The following TAFA2 variants were observed in gnomAD, a reference collection of about 807,000 sequenced individuals.
TAFA2 encodes chemokine-like protein TAFA-2.
A neutral mutation model predicts 18.8 loss-of-function variants in TAFA2; 7 were observed. The ratio of observed to expected loss-of-function variants is 0.37; its 90% confidence interval spans 0.21 to 0.70. TAFA2 has a LOEUF of 0.70. Ranked by LOEUF, TAFA2 falls within the 30% of genes least tolerant of loss-of-function variation. TAFA2 has a pLI of 0.53. For synonymous variants in TAFA2, 60 were observed against 54.2 expected, an observed-to-expected ratio of 1.11 and a Z score of -0.47; for missense variants, 122 against 158.1, an observed-to-expected ratio of 0.77 and a Z score of 1.23.
At chr12:62,213,149 G>C (rs7297835) in intron 1 of TAFA2, among the ~76,000 whole-genome samples, 41,588 of 151,916 alleles carry the variant, frequency 0.27, 7,199 homozygotes, top group African/African-American at 0.5. Context: ...ACCCCACCAC[G>C]GTTCATTCCC....
intron 1 of TAFA2, among the ~76,000 whole-genome samples, chr12:62,049,812 T>C (rs779616653): frequency 3.9e-5 from 6 of 152,188 alleles, no homozygotes; most frequent in Non-Finnish European, 5.9e-5. Context: ...CAAGAGAATA[T>C]GTAGGAATCT....
intron 2 of TAFA2, among the ~76,000 whole-genome samples, chr12:61,837,030 T>C (rs1872962584): frequency 6.6e-6 from 1 of 151,548 alleles, no homozygotes; most frequent in Non-Finnish European, 1.5e-5. Flanking sequence ...ATTTTTACAT[T>C]AAAATTTAGA....
At chr12:61,980,194 G>A (rs1184058276) in intron 1 of TAFA2, among the ~76,000 whole-genome samples, 1 of 151,908 alleles carries the variant, frequency 6.6e-6, no homozygotes, top group Non-Finnish European at 1.5e-5. Flanking sequence ...CAGAACCAAC[G>A]ACAAAAACCA....
At chr12:62,202,823 T>C (rs1036748843) in intron 1 of TAFA2, among the ~76,000 whole-genome samples, 2,410 of 123,392 alleles carry the variant, frequency 0.02, 220 homozygotes, top group African/African-American at 0.081. Flanking sequence ...GTGTGGTTCT[T>C]TTTTTTTTTT....
At chr12:62,157,033 C>A (rs913342980) in intron 1 of TAFA2, among the ~76,000 whole-genome samples, 3 of 152,050 alleles carry the variant, frequency 2.0e-5, no homozygotes, top group Admixed American at 1.3e-4. Flanking sequence ...GGTATATATG[C>A]CCTTAGACCT....
intron 1 of TAFA2, among the ~76,000 whole-genome samples, chr12:61,913,243 G>A (rs1395581396): frequency 3.3e-5 from 5 of 151,964 alleles, no homozygotes; most frequent in African/African-American, 1.2e-4. Flanking sequence ...GGGAAAGAAG[G>A]TGTTAGAAAG....
At chr12:62,211,082 G>A (rs188715807) in intron 1 of TAFA2, among the ~76,000 whole-genome samples, 5 of 152,174 alleles carry the variant, frequency 3.3e-5, no homozygotes, top group African/African-American at 1.2e-4. Flanking sequence ...ACTAGTGTTA[G>A]AACACTGTCA....
intron 1 of TAFA2, among the ~76,000 whole-genome samples, chr12:62,245,647 T>G (rs2062881563): frequency 6.8e-6 from 1 of 147,668 alleles, no homozygotes; most frequent in Admixed American, 6.8e-5. Flanking sequence ...AAATGTATAT[T>G]TTATAGAATA....
intron 2 of TAFA2, among the ~76,000 whole-genome samples, chr12:61,835,413 G>A (rs995522428): frequency 2.6e-5 from 4 of 151,858 alleles, no homozygotes; most frequent in Non-Finnish European, 1.5e-5. Flanking sequence ...GCATTTGCAG[G>A]TTTGCTACAT....
At position 61,969,872 on chromosome 12, in the gene TAFA2, CA is replaced by C. The variant is rs1403867326; in HGVS notation, c.-1-102447del. ...CTGTAAGAACAAAGGCAGAGATATA[CA>C]AAAAAGAAAGTTGCAACATTTTTGG... On this transcript the variant is annotated intron_variant, in intron 1 of 4. Transcript: ENST00000416284. Among the ~76,000 whole-genome samples, 5 of 151,434 alleles carry C rather than the reference CA, an allele frequency of 3.3e-5. No individual in the cohort carries two copies. In the East Asian group the frequency reaches 9.8e-4, roughly 30 times the overall value.
At chr12:61,857,878 A>AAGACCCAGGGGAAAAAAAAG (rs1366814597) in intron 2 of TAFA2, among the ~76,000 whole-genome samples, 1 of 152,226 alleles carries the variant, frequency 6.6e-6, no homozygotes, top group African/African-American at 2.4e-5. Flanking sequence ...TTCGTTAAGA[A>AAGACCCAGGGGAAAAAAAAG]AGACCCAGGG....
At chr12:62,178,694 A>G (rs549084527) in intron 1 of TAFA2, among the ~76,000 whole-genome samples, 129 of 152,318 alleles carry the variant, frequency 8.5e-4, no homozygotes, top group African/African-American at 3.1e-3. Flanking sequence ...TGGCATCCCT[A>G]GCACTTATGG....
chr12:62,146,026 C>A (rs753199981), intron 1 of TAFA2, among the ~76,000 whole-genome samples: 1 of 152,172 alleles, frequency 6.6e-6, no homozygotes, highest in Admixed American at 6.5e-5. Context: ...GGTTACTATG[C>A]CTCCTCTTCA....
intron 4 of TAFA2, among the ~76,000 whole-genome samples, chr12:61,725,692 T>C (rs1870130693): frequency 6.6e-6 from 1 of 152,146 alleles, no homozygotes; most frequent in South Asian, 2.1e-4. Flanking sequence ...TATAGCCTTA[T>C]AGTATAGTTT....
intron 2 of TAFA2, among the ~76,000 whole-genome samples, chr12:61,838,911 A>T (rs934121078): frequency 7.9e-5 from 12 of 152,042 alleles, no homozygotes; most frequent in Non-Finnish European, 1.8e-4. Flanking sequence ...GAAACCAGGG[A>T]TGCTACCAAA....
At position 61,722,642 on chromosome 12, in the gene TAFA2, G is replaced by A. The variant is rs184038414; in HGVS notation, c.385-12225C>T. ...TCCAATCCTCCATTTTCTTTATGTC[G>A]TTCAAAAACATAGAAATGTTTTCAG... On this transcript the variant is annotated intron_variant, in intron 4 of 4. Coordinates refer to ENST00000416284, the MANE Select transcript of TAFA2 (RefSeq NM_178539.5). Among the ~76,000 whole-genome samples, 235 of 152,088 alleles carry A rather than the reference G, an allele frequency of 1.5e-3. 1 individual carries two copies. The highest frequency in any genetic ancestry group is 4.7e-3 in the African/African-American group (196 of 41,478).
chr12:61,752,152 G>T (rs1245191727), intron 4 of TAFA2, among the ~76,000 whole-genome samples: 2 of 151,968 alleles, frequency 1.3e-5, no homozygotes, highest in African/African-American at 4.8e-5. Context: ...ATCTGTAAAA[G>T]GAGATAATAA....
At chr12:61,727,369 T>TG (rs1870218681) in intron 4 of TAFA2, among the ~76,000 whole-genome samples, 1 of 144,136 alleles carries the variant, frequency 6.9e-6, no homozygotes. Context: ...TTTTGACAAT[T>TG]TTTTTTATTA....
chr12:61,810,795 C>T (rs1273869864), intron 2 of TAFA2, among the ~76,000 whole-genome samples: 26 of 150,962 alleles, frequency 1.7e-4, no homozygotes, highest in Non-Finnish European at 4.4e-5. Context: ...TCTCTTTCTT[C>T]CTCCCATTTT....
Sources: allele counts gnomAD v4.1 joint callset (sites outside exome capture counted in the v4.1 genomes callset), GRCh38; gene constraint gnomAD v4.1.1; transcripts MANE v1.5; gene names NCBI Gene and HGNC (gene_info 2026-07-23, HGNC 2026-07-21).